The following EXOC2 variants were observed in gnomAD, a reference collection of about 807,000 sequenced individuals.
EXOC2 encodes the protein SEC5-like 1.
In EXOC2, 70 loss-of-function variants were observed where a neutral mutation model predicts 131.8. The observed-to-expected ratio is 0.53, with a 90% CI of 0.44 to 0.65. EXOC2 has a LOEUF of 0.65. Among genes scored for constraint, EXOC2 ranks in the 30% least tolerant of loss-of-function variants. The pLI, the probability that EXOC2 is intolerant of heterozygous loss-of-function variation, is 0.00. For missense variants in EXOC2, 923 were observed against 1,108.6 expected, an observed-to-expected ratio of 0.83 and a Z score of 2.38; for synonymous variants, 411 against 398.4, an observed-to-expected ratio of 1.03 and a Z score of -0.38.
chr6:490,115 T>TA (rs1763339755), intron 26 of EXOC2, among the ~76,000 whole-genome samples: 3 of 152,232 alleles, frequency 2.0e-5, no homozygotes, highest in African/African-American at 7.2e-5. Flanking sequence ...GTTTTGACAG[T>TA]ATGACAATAA....
chr6:541,669 C>T (rs1167787731), intron 22 of EXOC2, among the ~76,000 whole-genome samples: 2 of 152,002 alleles, frequency 1.3e-5, no homozygotes, highest in Non-Finnish European at 2.9e-5. Flanking sequence ...AATTTTACGC[C>T]AACAGATTTG....
Position 652,745 on chromosome 6 carries a change from C to A in EXOC2, c.-43-14884G>T, listed in dbSNP as rs1762889241. Among the ~76,000 whole-genome samples the A allele has an allele frequency of 2.6e-5, 4 of 152,196 alleles. No individual in the cohort carries two copies. The South Asian group carries it at 8.3e-4, about 32-fold the overall frequency. The stretch of plus-strand genomic sequence containing the variant: ...GAGGATGAATGGAAACCTGATTTAT[C>A]CAAAAATTACCCTTAAAGCAACATT... On this transcript the variant is annotated intron_variant, in intron 1 of 27. Coordinates refer to ENST00000230449, the MANE Select transcript of EXOC2 (RefSeq NM_018303.6).
At chr6:616,618 A>C (rs1163191075) in intron 6 of EXOC2, among the ~76,000 whole-genome samples, 2 of 150,630 alleles carry the variant, frequency 1.3e-5, no homozygotes, top group South Asian at 2.1e-4. Flanking sequence ...AAAAAAAAAA[A>C]AAAAACTAAC....
chr6:637,466 C>T (rs907836347), intron 2 of EXOC2, among the ~76,000 whole-genome samples: 2 of 152,166 alleles, frequency 1.3e-5, no homozygotes, highest in African/African-American at 4.8e-5. Context: ...AAATCTCAGC[C>T]CTGGGAAACC....
In EXOC2 at chr6:533,427, T is replaced by G. The variant is rs1006426392; in HGVS notation, c.2239-817A>C. ...TCCAGTAACCCCAGTGTGGCTCCCCTGGATTCTCCCTCCAGTTACAGCTCT... is the reference window on the plus strand; with the variant it reads ...TCCAGTAACCCCAGTGTGGCTCCCCGGGATTCTCCCTCCAGTTACAGCTCT... On this transcript the variant is annotated intron_variant, in intron 22 of 27. Coordinates refer to ENST00000230449, the MANE Select transcript of EXOC2 (RefSeq NM_018303.6). 3.3e-5 allele frequency among the ~76,000 whole-genome samples: 5 copies of G among 152,166 alleles called. 1 individual carries two copies. Among genetic ancestry groups the G allele is most frequent in the Non-Finnish European group, 7.4e-5 (5 of 68,022 alleles).
rs1759593810 is a variant in EXOC2, at chr6:592,467, G to A, written c.1192+2C>T. 1 of 1,610,508 alleles carries A rather than the reference G, an allele frequency of 6.2e-7. No homozygotes were observed. The highest frequency in any genetic ancestry group is 1.7e-5 in the Admixed American group (1 of 59,866). ...ACAACACATTGGAAGAGAAATCCTTGCCTTTCAGATCTTTCACGTAGCCCT... is the reference window on the plus strand; with the variant it reads ...ACAACACATTGGAAGAGAAATCCTTACCTTTCAGATCTTTCACGTAGCCCT... On this transcript the variant is annotated splice_donor_variant, in intron 11 of 27. Coordinates refer to ENST00000230449, the MANE Select transcript of EXOC2 (RefSeq NM_018303.6). LOFTEE classifies it low-confidence loss of function (GC_TO_GT_DONOR).
chr6:617,870 T>A (rs761954222), intron 5 of EXOC2, 35 bp from the exon 6 acceptor site: 1 of 1,599,244 alleles, frequency 6.3e-7, no homozygotes, highest in South Asian at 1.1e-5. Flanking sequence ...GTTTGACACT[T>A]CTAACATGCA....
intron 1 of EXOC2, among the ~76,000 whole-genome samples, chr6:689,545 C>T (rs1295873334): frequency 6.6e-6 from 1 of 152,220 alleles, no homozygotes; most frequent in East Asian, 1.9e-4. Flanking sequence ...ATCAAAGCTT[C>T]CCAATTACTC....
chr6:678,171 C>T lies in EXOC2; in HGVS notation c.-44+14848G>A, dbSNP rs946614668. Among the ~76,000 whole-genome samples, 6 of 152,182 alleles carry T rather than the reference C, an allele frequency of 3.9e-5. 1 individual carries two copies. Among genetic ancestry groups the T allele is most frequent in the African/African-American group, 1.4e-4 (6 of 41,428 alleles). On this transcript the variant is annotated intron_variant, in intron 1 of 27. Transcript: ENST00000230449. The stretch of plus-strand genomic sequence containing the variant: ...TAAAGAACACTGGTGTCATTAACAG[C>T]ACACTTTTGCCAGACAAATCAACTT...
At chr6:671,048 C>CAAAA (rs376028047) in intron 1 of EXOC2, among the ~76,000 whole-genome samples, 5 of 84,060 alleles carry the variant, frequency 5.9e-5, no homozygotes, top group South Asian at 4.7e-4. Flanking sequence ...GACTCCATCT[C>CAAAA]AAAAAAAAAA....
chr6:558,024 C>T (rs1757516304), intron 17 of EXOC2, among the ~76,000 whole-genome samples: 1 of 152,114 alleles, frequency 6.6e-6, no homozygotes, highest in Non-Finnish European at 1.5e-5. Flanking sequence ...TCATCCGGAG[C>T]AGCGAGACAT....
chr6:638,532 T>G (rs1452002795), intron 1 of EXOC2, among the ~76,000 whole-genome samples: 1 of 152,218 alleles, frequency 6.6e-6, no homozygotes, highest in East Asian at 1.9e-4. Flanking sequence ...TCTTCTTGTA[T>G]GTAAAGTGGA....
At chr6:655,652 G>A (rs1763039080) in intron 1 of EXOC2, among the ~76,000 whole-genome samples, 2 of 152,142 alleles carry the variant, frequency 1.3e-5, no homozygotes, top group African/African-American at 4.8e-5. Flanking sequence ...AATATGTAAT[G>A]CACACACATG....
intron 4 of EXOC2, among the ~76,000 whole-genome samples, chr6:620,797 G>C (rs1443650515): frequency 6.6e-6 from 1 of 152,114 alleles, no homozygotes; most frequent in Non-Finnish European, 1.5e-5. Flanking sequence ...TCGTTTGGGG[G>C]AAAAATGGCA....
intron 25 of EXOC2, among the ~76,000 whole-genome samples, chr6:494,562 AC>A (rs1472062281): frequency 6.6e-6 from 1 of 152,102 alleles, no homozygotes; most frequent in Admixed American, 6.5e-5. Flanking sequence ...ACAATACAGA[AC>A]CAGCACCCTG....
chr6:519,108 G>A (rs555686077), intron 23 of EXOC2, among the ~76,000 whole-genome samples: 3 of 142,320 alleles, frequency 2.1e-5, no homozygotes, highest in East Asian at 4.2e-4. Flanking sequence ...GTCCACACTC[G>A]GAGACGAAAA....
chr6:539,612 T>C (rs931798289), intron 22 of EXOC2, among the ~76,000 whole-genome samples: 3 of 152,250 alleles, frequency 2.0e-5, no homozygotes, highest in African/African-American at 7.2e-5. Context: ...GTTTAAAAGA[T>C]AACATCATTA....
intron 7 of EXOC2, among the ~76,000 whole-genome samples, chr6:609,644 C>CT (rs1412615748): frequency 3.3e-5 from 5 of 152,122 alleles, no homozygotes; most frequent in Non-Finnish European, 5.9e-5. Context: ...GCCTTAAATT[C>CT]TTTTTTAGAA....
At chr6:487,228 G>A (rs1185908236) in intron 27 of EXOC2, among the ~76,000 whole-genome samples, 1 of 152,070 alleles carries the variant, frequency 6.6e-6, no homozygotes, top group South Asian at 2.1e-4. Context: ...CCATCTCCCA[G>A]CAGCCACTGC....
Sources: allele counts gnomAD v4.1 joint callset (sites outside exome capture counted in the v4.1 genomes callset), GRCh38; gene constraint gnomAD v4.1.1; transcripts MANE v1.5; gene names NCBI Gene and HGNC (gene_info 2026-07-23, HGNC 2026-07-21).